RABGEF1: variants seen among roughly 807,000 people sequenced by gnomAD.
RABGEF1 encodes rab5 GDP/GTP exchange factor.
Under a neutral mutation model 57.3 loss-of-function variants are expected in RABGEF1, and 26 were observed. The ratio of observed to expected loss-of-function variants is 0.45; its 90% CI spans 0.33 to 0.63. The LOEUF is 0.63. RABGEF1 is among the 20% of genes least tolerant of loss of function. The pLI is 0.02. For missense variants in RABGEF1, 464 were observed against 607.6 expected (o/e 0.76, Z 2.48); for synonymous variants, 185 against 210.7 (o/e 0.88, Z 1.06).
At chr7:66,768,622 T>G (rs1451156920) in intron 1 of RABGEF1, among the ~76,000 whole-genome samples, 1 of 152,178 alleles carries the variant, frequency 6.6e-6, no homozygotes, top group East Asian at 1.9e-4. Flanking sequence ...TAGTGCTGTT[T>G]CCATCTGTTT....
At chr7:66,685,173 T>TTTTTTTG (rs1790414271) in intron 1 of RABGEF1, among the ~76,000 whole-genome samples, 1 of 143,280 alleles carries the variant, frequency 7.0e-6, no homozygotes, top group Non-Finnish European at 1.5e-5. Flanking sequence ...TTTTTTTTTT[T>TTTTTTTG]GAGATGGAGT....
the RABGEF1 span, among the ~76,000 whole-genome samples, chr7:66,671,694 T>G: frequency 3.9e-5 from 6 of 152,118 alleles, no homozygotes; most frequent in Non-Finnish European, 7.3e-5. Context: ...TGGTGGCACT[T>G]ATCTATAGTC....
intron 1 of RABGEF1, among the ~76,000 whole-genome samples, 185 bp from the exon 2 acceptor site, chr7:66,771,698 G>T (rs141052084): frequency 1.5e-4 from 23 of 151,934 alleles, no homozygotes; most frequent in African/African-American, 5.3e-4. Context: ...GCTGTGTCAG[G>T]AATTTACTAT....
At chr7:66,750,957 C>T (rs1041198402) in intron 1 of RABGEF1, among the ~76,000 whole-genome samples, 3 of 151,836 alleles carry the variant, frequency 2.0e-5, no homozygotes, top group Non-Finnish European at 4.4e-5. Context: ...CTTTTCAGAT[C>T]TAGAATTTCA....
At chr7:66,722,145 G>A (rs768603289) in intron 2 of RABGEF1, among the ~76,000 whole-genome samples, 12 of 151,788 alleles carry the variant, frequency 7.9e-5, no homozygotes, top group Non-Finnish European at 1.5e-4. Context: ...CAACAGAATA[G>A]GACCCTGTCT....
intron 1 of RABGEF1, among the ~76,000 whole-genome samples, chr7:66,708,266 GTAGTT>G (rs1273040945): frequency 6.7e-6 from 1 of 149,752 alleles, no homozygotes; most frequent in African/African-American, 2.4e-5. Context: ...TTATAGCCAT[GTAGTT>G]TGGGTTTTTT....
intron 7 of RABGEF1, among the ~76,000 whole-genome samples, chr7:66,802,416 A>G (rs1480528271): frequency 6.6e-6 from 1 of 152,208 alleles, no homozygotes; most frequent in African/African-American, 2.4e-5. Flanking sequence ...ACCTGGATCC[A>G]GCAGAGATGG....
intron 3 of RABGEF1, among the ~76,000 whole-genome samples, chr7:66,777,140 C>T (rs1808747823): frequency 6.6e-6 from 1 of 152,148 alleles, no homozygotes; most frequent in South Asian, 2.1e-4. Context: ...GCAGGGAGCA[C>T]AAGGGCATTT....
At chr7:66,690,116 T>C (rs1791302621) in intron 1 of RABGEF1, among the ~76,000 whole-genome samples, 2 of 150,044 alleles carry the variant, frequency 1.3e-5, no homozygotes, top group South Asian at 4.2e-4. Flanking sequence ...TTTTTTTTTT[T>C]TTTGAGACGG....
At chr7:66,756,071 C>A in intron 1 of RABGEF1, 1 of 1,490,190 alleles carries the variant, frequency 6.7e-7, no homozygotes, top group South Asian at 1.3e-5. Context: ...GTCTTCATAC[C>A]ATGAAGGTGA....
At chr7:66,741,077 C>A (rs1042742164) in intron 1 of RABGEF1, among the ~76,000 whole-genome samples, 2 of 152,162 alleles carry the variant, frequency 1.3e-5, no homozygotes, top group Non-Finnish European at 2.9e-5. Context: ...CGAGCCCCGA[C>A]GGCCTGACGC....
At chr7:66,729,603 C>T (rs558848428) in intron 2 of RABGEF1, among the ~76,000 whole-genome samples, 37 of 151,978 alleles carry the variant, frequency 2.4e-4, no homozygotes, top group African/African-American at 6.8e-4. Context: ...CCTTTACCTT[C>T]ACCTTCACAC....
At chr7:66,702,243 T>C (rs1356836867) in intron 1 of RABGEF1, among the ~76,000 whole-genome samples, 3 of 152,222 alleles carry the variant, frequency 2.0e-5, no homozygotes, top group African/African-American at 7.2e-5. Context: ...CATTCCTCTT[T>C]AGGGTTGGAT....
intron 8 of RABGEF1, among the ~76,000 whole-genome samples, chr7:66,808,218 C>CT (rs558669043): frequency 1.4e-3 from 197 of 142,232 alleles, no homozygotes; most frequent in Middle Eastern, 3.6e-3. Context: ...AGAGTTGTTC[C>CT]TTTTTTTTTT....
chr7:66,683,303 ATTG>A (rs1179013851), intron 1 of RABGEF1, among the ~76,000 whole-genome samples: 3 of 152,176 alleles, frequency 2.0e-5, no homozygotes, highest in African/African-American at 7.2e-5. Flanking sequence ...GTTCCTTAAA[ATTG>A]TTGTACCAGG....
At chr7:66,665,259 C>T in the RABGEF1 span, 1 of 152,276 alleles carries the variant, frequency 6.6e-6, no homozygotes, top group Non-Finnish European at 1.5e-5. Context: ...ATCCTCTCAC[C>T]TCAGCCTCCC....
the RABGEF1 span, among the ~76,000 whole-genome samples, chr7:66,663,105 T>C: frequency 6.6e-6 from 1 of 152,252 alleles, no homozygotes; most frequent in Non-Finnish European, 1.5e-5. Flanking sequence ...ACATGAGCGC[T>C]CTGTGTCTTA....
chr7:66,739,202 G>A (rs1798429061), upstream of RABGEF1, among the ~76,000 whole-genome samples: 2 of 151,662 alleles, frequency 1.3e-5, no homozygotes, highest in South Asian at 2.1e-4. Context: ...TGCCCGCCTC[G>A]GCTTCCCAAA....
At chr7:66,774,716 T>G (rs1439329777) in intron 2 of RABGEF1, among the ~76,000 whole-genome samples, 1 of 152,146 alleles carries the variant, frequency 6.6e-6, no homozygotes, top group Non-Finnish European at 1.5e-5. Flanking sequence ...GCTGATACCA[T>G]GCTATTACAC....
Sources: gnomAD v4.1 joint callset for allele counts (sites outside exome capture counted in the v4.1 genomes callset) on GRCh38, gnomAD v4.1.1 for gene constraint, MANE v1.5 for transcripts, NCBI Gene and HGNC (gene_info 2026-07-23, HGNC 2026-07-21) for gene names.